LMF1: variants seen among roughly 807,000 people sequenced by gnomAD.
LMF1 encodes lipase maturation factor 1.
Under a neutral mutation model 60.6 loss-of-function variants are expected in LMF1, and 68 were observed. The ratio of observed to expected loss-of-function variants is 1.12; its 90% CI spans 0.92 to 1.37. LMF1 has a LOEUF of 1.37. LMF1 is among the 40% of genes most tolerant of loss of function. The probability of loss-of-function intolerance (pLI) is 0.00; values close to 1 mark genes in which losing one functional copy is unlikely to be tolerated. For synonymous variants in LMF1, 418 were observed against 324.7 expected (o/e 1.29, Z -3.09); for missense variants, 948 against 767.2 (o/e 1.24, Z -2.78).
At chr16:871,097 G>C in intron 7 of LMF1, 64 bp downstream of exon 7, 1 of 1,476,924 alleles carries the variant, frequency 6.8e-7, no homozygotes, top group Non-Finnish European at 9.0e-7. Context: ...CGGGCAGGCT[G>C]TGGGGCTGGC....
chr16:867,719 C>T (rs2069651506), intron 10 of LMF1, among the ~76,000 whole-genome samples: 1 of 152,196 alleles, frequency 6.6e-6, no homozygotes, highest in Non-Finnish European at 1.5e-5. Flanking sequence ...GGGATGGAGC[C>T]TCCCCTGGAC....
chr16:862,961 G>A (rs982119253), intron 10 of LMF1, among the ~76,000 whole-genome samples: 2 of 152,118 alleles, frequency 1.3e-5, no homozygotes, highest in African/African-American at 4.8e-5. Flanking sequence ...AACCATCTGA[G>A]CCTGGATATT....
intron 2 of LMF1, among the ~76,000 whole-genome samples, chr16:937,970 C>T (rs2071990542): frequency 6.6e-6 from 1 of 151,994 alleles, no homozygotes; most frequent in South Asian, 2.1e-4. Flanking sequence ...CAGCTGATCC[C>T]ACCATCAAGA....
chr16:876,048 C>T (rs1217173162), intron 6 of LMF1, among the ~76,000 whole-genome samples: 1 of 152,234 alleles, frequency 6.6e-6, no homozygotes, highest in South Asian at 2.1e-4. Flanking sequence ...CCGGCCCTGG[C>T]CCCACGCCTG....
intron 5 of LMF1, among the ~76,000 whole-genome samples, chr16:883,286 G>C (rs1424172874): frequency 6.6e-6 from 1 of 150,392 alleles, no homozygotes; most frequent in Non-Finnish European, 1.5e-5. Context: ...CAGCAGAAGA[G>C]CTGCCCGGCA....
chr16:945,538 A>G (rs1435332159), intron 2 of LMF1, among the ~76,000 whole-genome samples: 1 of 150,100 alleles, frequency 6.7e-6, no homozygotes, highest in Non-Finnish European at 1.5e-5. Context: ...AAAAAAAAGA[A>G]AAAAGTTCAG....
intron 3 of LMF1, among the ~76,000 whole-genome samples, chr16:929,455 G>A (rs969029164): frequency 3.3e-5 from 5 of 152,216 alleles, no homozygotes; most frequent in African/African-American, 9.6e-5. Context: ...CGGCAAAGGC[G>A]GTCTGGTCCT....
chr16:915,047 G>A (rs1400135049), intron 3 of LMF1, among the ~76,000 whole-genome samples: 2 of 152,246 alleles, frequency 1.3e-5, no homozygotes, highest in East Asian at 1.9e-4. Flanking sequence ...CGAGGCCTGA[G>A]GGCTTGTAGG....
At position 954,668 on chromosome 16, in the gene LMF1, T is replaced by C. The variant is rs1382477764; in HGVS notation, c.194-2A>G. On this transcript the variant is annotated splice_acceptor_variant, in intron 1 of 10. Coordinates refer to ENST00000262301, the MANE Select transcript of LMF1 (RefSeq NM_022773.4). LOFTEE classifies it high-confidence loss of function. ...GGAAAGCCACCAGGAATGCCACGAC[T>C]GGAAGAAAAAGAAGACAAAACAAGC... The C allele has an allele frequency of 6.3e-7, 1 of 1,582,644 alleles. No individual in the cohort carries two copies. Among genetic ancestry groups the C allele is most frequent in the African/African-American group, 1.4e-5 (1 of 73,790 alleles).
At chr16:921,519 G>A (rs2071430828) in intron 3 of LMF1, among the ~76,000 whole-genome samples, 2 of 152,256 alleles carry the variant, frequency 1.3e-5, no homozygotes, top group Admixed American at 1.3e-4. Flanking sequence ...ACAGGGACTC[G>A]CCCTTAGAAC....
At chr16:889,051 C>T (rs771366651) in intron 5 of LMF1, among the ~76,000 whole-genome samples, 32 of 152,166 alleles carry the variant, frequency 2.1e-4, no homozygotes, top group Non-Finnish European at 3.2e-4. Flanking sequence ...CTCATGGGAG[C>T]GGGCCCTTGG....
rs1385259667 is a variant in LMF1 at position 897,253 on chromosome 16, C to T, written c.664-4181G>A. On this transcript the variant is annotated intron_variant, in intron 4 of 10. Transcript: ENST00000262301. The surrounding 1 kb of genome is among the most constrained non-coding windows in gnomAD (Gnocchi z 4.3). The stretch of plus-strand genomic sequence containing the variant: ...ACGGTCGTATGCGGAGAAGGAGACA[C>T]TCTGTGGAGACCCCGCTTCTCTCAC... 6.6e-6 allele frequency among the ~76,000 whole-genome samples: 1 copy of T among 152,228 alleles called. No homozygotes were observed. Among genetic ancestry groups the T allele is most frequent in the Non-Finnish European group, 1.5e-5 (1 of 68,040 alleles).
rs773163761 is a variant in LMF1, at chr16:854,047, T to C, written c.*485A>G. The C allele has an allele frequency of 1.3e-5, 6 of 454,284 alleles. No homozygotes were observed. Among genetic ancestry groups the C allele is most frequent in the South Asian group, 9.3e-5 (6 of 64,422 alleles). The allele number at this position is 454,284 out of a possible 1,614,324, so 28.1% of individuals were successfully genotyped here. A position where few individuals can be genotyped will look rare whatever the true frequency, so the allele number is the denominator to read the frequency against. On this transcript the variant is annotated 3_prime_UTR_variant, in exon 11 of 11. Transcript: ENST00000262301. ...TGTCCAGGTCCCTGTGGGGCGAGGG[T>C]TTGGCTGCCCCAGACGTGACAGGGA... is the stretch of plus-strand genomic sequence containing the variant.
intron 5 of LMF1, among the ~76,000 whole-genome samples, chr16:889,365 CAT>C: frequency 2.7e-5 from 4 of 145,578 alleles, no homozygotes; most frequent in African/African-American, 1.0e-4. Context: ...TGCGGATGGC[CAT>C]GGGTGTGAGG....
chr16:859,950 G>C (rs1052570008), intron 10 of LMF1, among the ~76,000 whole-genome samples: 1 of 129,348 alleles, frequency 7.7e-6, no homozygotes, highest in Non-Finnish European at 1.5e-5. Context: ...CACGGGATGG[G>C]TGTGCAGTGA....
At chr16:945,169 C>A (rs2072206541) in intron 2 of LMF1, among the ~76,000 whole-genome samples, 1 of 145,760 alleles carries the variant, frequency 6.9e-6, no homozygotes, top group Non-Finnish European at 1.5e-5. Context: ...CGAGTTCGCA[C>A]CACTGCACTC....
intron 2 of LMF1, among the ~76,000 whole-genome samples, chr16:952,316 C>CG (rs1555473484): frequency 1.1e-4 from 17 of 152,046 alleles, no homozygotes; most frequent in Admixed American, 1.0e-3. Context: ...GGACCCCCCC[C>CG]CACAGGTGCC....
At chr16:958,077 C>T (rs1240293634) in intron 1 of LMF1, among the ~76,000 whole-genome samples, 1 of 152,180 alleles carries the variant, frequency 6.6e-6, no homozygotes, top group Admixed American at 6.5e-5. Context: ...CACTTCACAC[C>T]TTACACAAAA....
chr16:881,197 C>T (rs1057277620), intron 5 of LMF1, among the ~76,000 whole-genome samples: 2 of 152,124 alleles, frequency 1.3e-5, no homozygotes, highest in Non-Finnish European at 2.9e-5. Context: ...CATGTGCACA[C>T]CCGAGGGGGT....
Sources: gnomAD v4.1 joint callset for allele counts (sites outside exome capture counted in the v4.1 genomes callset) on GRCh38, gnomAD v4.1.1 for gene constraint, Gnocchi (gnomAD v3.1) non-coding constraint, MANE v1.5 for transcripts, NCBI Gene and HGNC (gene_info 2026-07-23, HGNC 2026-07-21) for gene names.